The following ARHGEF28 variants were observed in gnomAD, a reference collection of about 807,000 sequenced individuals.
ARHGEF28 encodes the protein 190 kDa guanine nucleotide exchange factor.
Under a neutral mutation model 206.6 loss-of-function variants are expected in ARHGEF28, and 152 were observed. That is an observed-to-expected ratio of 0.74 (90% CI 0.64 to 0.84). ARHGEF28 has a LOEUF of 0.84. Ranked by LOEUF, ARHGEF28 falls within the 40% of genes least tolerant of loss-of-function variation. The pLI is 0.00. For synonymous variants in ARHGEF28, 763 were observed against 776.4 expected, an observed-to-expected ratio of 0.98 and a Z score of 0.29; for missense variants, 2,028 against 2,073.2, an observed-to-expected ratio of 0.98 and a Z score of 0.42.
intron 9 of ARHGEF28, chr5:73,813,457 G>T: frequency 6.9e-7 from 1 of 1,448,744 alleles, no homozygotes; most frequent in Admixed American, 2.4e-5. Context: ...TCCCTGGTGT[G>T]CAGGAGCTAT....
At chr5:73,931,045 A>T (rs77672253) in intron 35 of ARHGEF28, among the ~76,000 whole-genome samples, 1 of 151,914 alleles carries the variant, frequency 6.6e-6, no homozygotes, top group Non-Finnish European at 1.5e-5. Context: ...ATTAAAGGAA[A>T]TTTTTTCCAG....
At chr5:73,794,841 A>G (rs1754707425) in intron 8 of ARHGEF28, among the ~76,000 whole-genome samples, 1 of 152,192 alleles carries the variant, frequency 6.6e-6, no homozygotes, top group South Asian at 2.1e-4. Flanking sequence ...TCGTGACCTC[A>G]GGTGATCTGC....
At chr5:73,939,588 G>A (rs1414866675) in intron 35 of ARHGEF28, among the ~76,000 whole-genome samples, 1 of 152,152 alleles carries the variant, frequency 6.6e-6, no homozygotes. Context: ...CGGCTCCTGT[G>A]GCCCTGGCTG....
At chr5:73,736,465 AC>A in intron 2 of ARHGEF28, among the ~76,000 whole-genome samples, 1 of 152,276 alleles carries the variant, frequency 6.6e-6, no homozygotes, top group African/African-American at 2.4e-5. Context: ...GATGGTTTCT[AC>A]CTTATAGGCC....
chr5:73,786,425 A>G (rs1754165385), intron 7 of ARHGEF28: 1 of 152,240 alleles, frequency 6.6e-6, no homozygotes, highest in Admixed American at 6.5e-5. Context: ...GGACTGATCT[A>G]TTTAGCGTCT....
chr5:73,810,537 C>T (rs933468634), intron 9 of ARHGEF28, among the ~76,000 whole-genome samples: 3 of 152,090 alleles, frequency 2.0e-5, no homozygotes, highest in African/African-American at 7.2e-5. Flanking sequence ...ACAGCCTATT[C>T]CAGTAACTTG....
chr5:73,843,436 T>C (rs1758113563), intron 11 of ARHGEF28, among the ~76,000 whole-genome samples: 1 of 152,192 alleles, frequency 6.6e-6, no homozygotes, highest in Non-Finnish European at 1.5e-5. Flanking sequence ...TCGCAATCCC[T>C]GGAAAGCCCT....
At chr5:73,660,187 C>T (rs1182542788) in intron 1 of ARHGEF28, among the ~76,000 whole-genome samples, 1 of 152,160 alleles carries the variant, frequency 6.6e-6, no homozygotes, top group Non-Finnish European at 1.5e-5. Flanking sequence ...GTTGTCTTTT[C>T]AACAACGTTC....
rs1764282706 is a variant in ARHGEF28 at position 73,934,066 on chromosome 5, G to T, written c.4949-6778G>T. 1.3e-5 allele frequency among the ~76,000 whole-genome samples: 2 copies of T among 151,866 alleles called. 1 individual carries two copies. Among genetic ancestry groups the T allele is most frequent in the South Asian group, 4.2e-4 (2 of 4,806 alleles). ...AATTTTACAATTGTTAAAAAGTCTG[G>T]GTTGTGTTTTTTGTTTGTTTTTATT... On this transcript the variant is annotated intron_variant, in intron 35 of 35. Transcript: ENST00000513042.
At chr5:73,812,360 C>A (rs1755892262) in intron 9 of ARHGEF28, among the ~76,000 whole-genome samples, 1 of 152,214 alleles carries the variant, frequency 6.6e-6, no homozygotes, top group African/African-American at 2.4e-5. Context: ...TCTAAGTCTG[C>A]AGACTTAATG....
At chr5:73,745,857 A>G (rs1420560338) in intron 2 of ARHGEF28, among the ~76,000 whole-genome samples, 1 of 152,140 alleles carries the variant, frequency 6.6e-6, no homozygotes. Flanking sequence ...AGGTGAATTC[A>G]TATGTGAAAC....
At chr5:73,809,064 C>T (rs1755678161) in intron 9 of ARHGEF28, among the ~76,000 whole-genome samples, 1 of 152,054 alleles carries the variant, frequency 6.6e-6, no homozygotes, top group African/African-American at 2.4e-5. Context: ...CCAGCCTGGC[C>T]ATGGTGCATG....
intron 7 of ARHGEF28, among the ~76,000 whole-genome samples, chr5:73,788,261 T>A (rs1754275818): frequency 6.6e-6 from 1 of 152,218 alleles, no homozygotes; most frequent in South Asian, 2.1e-4. Context: ...TTTGTTTATG[T>A]CTTTGAAAGA....
intron 1 of ARHGEF28, among the ~76,000 whole-genome samples, chr5:73,641,639 C>A: frequency 6.6e-6 from 1 of 151,944 alleles, no homozygotes; most frequent in Non-Finnish European, 1.5e-5. Flanking sequence ...AGTGGTATTC[C>A]TACCACAGAA....
At position 73,857,763 on chromosome 5, in the gene ARHGEF28, C is replaced by T; in HGVS notation, c.1898C>T (p.Pro633Leu). Residue 633 changes from proline (P) to leucine (L), a missense_variant, in exon 15 of 36, where the codon CCT becomes CTT. Around this residue, in one of 3 missense-constraint regions of ARHGEF28, gnomAD observed 1,002 missense variants for 1,015.3 expected, o/e 0.99. Transcript: ENST00000513042. Reference sequence around the variant, plus strand: ...TTCCTCATGAATAGGATGACTAGCCCTCGGAATAAATCAAAGGTAATTAAA... The same window carrying T: ...TTCCTCATGAATAGGATGACTAGCCTTCGGAATAAATCAAAGGTAATTAAA... The part of the protein sequence containing the change: ...FSFLMNRMTS[P>L]RNKSKTKSKD... The T allele has an allele frequency of 1.9e-6, 3 of 1,612,448 alleles. No individual in the cohort carries two copies. The highest frequency in any genetic ancestry group is 2.5e-6 in the Non-Finnish European group (3 of 1,179,252).
intron 35 of ARHGEF28, among the ~76,000 whole-genome samples, chr5:73,934,541 C>T (rs977500312): frequency 2.6e-5 from 4 of 152,204 alleles, no homozygotes; most frequent in Non-Finnish European, 4.4e-5. Flanking sequence ...GAAAAGCTCA[C>T]CTATTTCCAC....
Position 73,898,071 on chromosome 5 carries a change from T to G in ARHGEF28, c.3951T>G (p.Asp1317Glu). Reference protein sequence around the residue: ...SVLADTLSSHDVPGSPTASLV... With the variant: ...SVLADTLSSHEVPGSPTASLV... ...TGGCGGACACACTCAGTTCTCATGA[T>G]GTACCAGGATCACCGACTGCCTGTA... is the stretch of plus-strand genomic sequence containing the variant. The change falls in exon 30 of 36, where the codon GAT becomes GAG. Residue 1317 changes from aspartate (D) to glutamate (E), a missense_variant. Coordinates refer to ENST00000513042, the MANE Select transcript of ARHGEF28 (RefSeq NM_001177693.2). 6.2e-7 allele frequency: 1 copy of G among 1,612,354 alleles called. No homozygotes were observed. Among genetic ancestry groups the G allele is most frequent in the Non-Finnish European group, 8.5e-7 (1 of 1,179,278 alleles).
At chr5:73,849,333 A>G (rs1758562409) in intron 13 of ARHGEF28, among the ~76,000 whole-genome samples, 1 of 152,140 alleles carries the variant, frequency 6.6e-6, no homozygotes, top group African/African-American at 2.4e-5. Context: ...TATTCTTTGA[A>G]TAAAATGTTT....
chr5:73,749,769 T>C (rs1751928405), intron 2 of ARHGEF28, 68 bp from the exon 3 acceptor site: 2 of 1,574,752 alleles, frequency 1.3e-6, no homozygotes, highest in Admixed American at 3.4e-5. Context: ...ACCCAGGTCC[T>C]TTGTATTGTG....
Sources: allele counts gnomAD v4.1 joint callset (sites outside exome capture counted in the v4.1 genomes callset), GRCh38; gene constraint gnomAD v4.1.1; regional missense constraint gnomAD v4.1.1; transcripts MANE v1.5; gene names NCBI Gene and HGNC (gene_info 2026-07-23, HGNC 2026-07-21).